Variants in HACE1 observed in about 807,000 individuals in gnomAD.
HACE1 encodes HECT domain and ankyrin repeat containing E3 ubiquitin protein ligase 1, also known as E3 ubiquitin-protein ligase HACE1.
In HACE1, 73 loss-of-function variants were observed where a neutral mutation model predicts 118.4. The observed-to-expected ratio is 0.62, with a 90% CI of 0.51 to 0.75. The LOEUF (loss-of-function observed/expected upper bound fraction) is 0.75, where lower values mean the gene tolerates loss of function less well. HACE1 is among the 30% of genes least tolerant of loss of function. HACE1 has a pLI of 0.00. For synonymous variants in HACE1, 368 were observed against 374.8 expected (o/e 0.98, Z 0.21); for missense variants, 749 against 1,102.2 (o/e 0.68, Z 4.54).
intron 6 of HACE1, among the ~76,000 whole-genome samples, chr6:104,818,900 T>C (rs888064905): frequency 2.6e-5 from 4 of 151,786 alleles, no homozygotes; most frequent in Non-Finnish European, 5.9e-5. Flanking sequence ...CAAAATAATA[T>C]GAACCATCTA....
At chr6:104,834,831 T>C (rs1774365436) in intron 5 of HACE1, among the ~76,000 whole-genome samples, 1 of 151,908 alleles carries the variant, frequency 6.6e-6, no homozygotes, top group South Asian at 2.1e-4. Context: ...TGAAAAGAGG[T>C]TGAAAGTTTA....
chr6:104,762,404 A>G (rs1469177327), intron 19 of HACE1, among the ~76,000 whole-genome samples: 1 of 152,206 alleles, frequency 6.6e-6, no homozygotes, highest in Non-Finnish European at 1.5e-5. Context: ...TTGCAGGGAC[A>G]TGGATGAAGT....
At chr6:104,778,547 C>T (rs559916348) in intron 14 of HACE1, among the ~76,000 whole-genome samples, 1 of 151,952 alleles carries the variant, frequency 6.6e-6, no homozygotes, top group Non-Finnish European at 1.5e-5. Flanking sequence ...GTAATCCCAG[C>T]ACTTTGGGAG....
At chr6:104,832,201 T>C (rs986540881) in intron 6 of HACE1, among the ~76,000 whole-genome samples, 2 of 152,136 alleles carry the variant, frequency 1.3e-5, no homozygotes, top group Admixed American at 6.5e-5. Context: ...AAATAAAATA[T>C]GAAGTTTTAT....
chr6:104,826,259 T>C (rs748351361), intron 6 of HACE1, among the ~76,000 whole-genome samples: 1 of 152,206 alleles, frequency 6.6e-6, no homozygotes, highest in Non-Finnish European at 1.5e-5. Flanking sequence ...AATTATGTGC[T>C]ATGCACGACT....
chr6:104,734,533 G>C (rs1775605022), intron 22 of HACE1, among the ~76,000 whole-genome samples: 1 of 152,192 alleles, frequency 6.6e-6, no homozygotes, highest in South Asian at 2.1e-4. Context: ...AACTTTCTCA[G>C]TTTGAACTCA....
At chr6:104,818,122 T>C (rs961276268) in intron 6 of HACE1, among the ~76,000 whole-genome samples, 1 of 152,194 alleles carries the variant, frequency 6.6e-6, no homozygotes, top group Admixed American at 6.5e-5. Context: ...CCAACATGAA[T>C]TCTATAATCT....
chr6:104,802,597 C>T (rs576469548), intron 7 of HACE1, among the ~76,000 whole-genome samples: 24 of 152,168 alleles, frequency 1.6e-4, no homozygotes, highest in Non-Finnish European at 2.9e-4. Flanking sequence ...AACTGAACAA[C>T]CTGCTCCTGA....
At chr6:104,784,329 C>T (rs2290515) in intron 13 of HACE1, 88 bp downstream of exon 13, 473,334 of 955,668 alleles carry the variant, frequency 0.5, 121,297 homozygotes, top group African/African-American at 0.8. Context: ...TTGAATAGTA[C>T]GAGAAATAGT....
intron 2 of HACE1, among the ~76,000 whole-genome samples, chr6:104,852,088 A>G (rs1458058164): frequency 6.6e-6 from 1 of 152,202 alleles, no homozygotes; most frequent in African/African-American, 2.4e-5. Context: ...ATCTATCATA[A>G]AATGTTACAG....
chr6:104,847,638 G>A (rs1429819801), intron 4 of HACE1, among the ~76,000 whole-genome samples: 1 of 151,954 alleles, frequency 6.6e-6, no homozygotes, highest in Non-Finnish European at 1.5e-5. Context: ...GCAAAAATTT[G>A]GCCTCGGATT....
chr6:104,749,800 G>A (rs1167796573), intron 20 of HACE1, among the ~76,000 whole-genome samples: 2 of 151,922 alleles, frequency 1.3e-5, no homozygotes, highest in Non-Finnish European at 2.9e-5. Flanking sequence ...TACAATAAAG[G>A]CAAATTAAAG....
chr6:104,799,347 G>A (rs1285721451), intron 7 of HACE1, among the ~76,000 whole-genome samples: 1 of 152,090 alleles, frequency 6.6e-6, no homozygotes, highest in Non-Finnish European at 1.5e-5. Flanking sequence ...ACCAAATTAG[G>A]CAAACACACA....
chr6:104,791,731 T>A (rs1783048804), intron 10 of HACE1, 77 bp from the exon 11 acceptor site: 2 of 920,998 alleles, frequency 2.2e-6, no homozygotes, highest in Non-Finnish European at 3.4e-6. Context: ...AACATTTTCA[T>A]CCCACTGACC....
At chr6:104,811,907 A>G (rs1207030772) in intron 6 of HACE1, among the ~76,000 whole-genome samples, 1 of 152,144 alleles carries the variant, frequency 6.6e-6, no homozygotes, top group Non-Finnish European at 1.5e-5. Context: ...ATAATTATTA[A>G]AATATAAAAT....
chr6:104,735,905 G>C (rs559140326), intron 22 of HACE1, among the ~76,000 whole-genome samples: 1 of 151,922 alleles, frequency 6.6e-6, no homozygotes, highest in Admixed American at 6.5e-5. Context: ...AATAAAACTA[G>C]ATAGCCATTA....
intron 5 of HACE1, among the ~76,000 whole-genome samples, chr6:104,839,537 T>C (rs1774886716): frequency 6.6e-6 from 1 of 152,178 alleles, no homozygotes; most frequent in Non-Finnish European, 1.5e-5. Flanking sequence ...GGGAAAGGTA[T>C]GGTTATAAAA....
chr6:104,785,553 C>A, intron 11 of HACE1: 1 of 446,246 alleles, frequency 2.2e-6, no homozygotes, highest in Middle Eastern at 6.4e-4. Flanking sequence ...TGTATGTATT[C>A]CTTGTAATAA....
chr6:104,807,496 T>G (rs1309154124), intron 7 of HACE1, among the ~76,000 whole-genome samples: 1 of 152,160 alleles, frequency 6.6e-6, no homozygotes, highest in African/African-American at 2.4e-5. Flanking sequence ...CAACTCTAAC[T>G]AAACCTTGCT....
Sources: allele counts gnomAD v4.1 joint callset (sites outside exome capture counted in the v4.1 genomes callset), GRCh38; gene constraint gnomAD v4.1.1; transcripts MANE v1.5; gene names NCBI Gene and HGNC (gene_info 2026-07-23, HGNC 2026-07-21).